The following IL1RAPL2 variants were observed in gnomAD, a reference collection of about 807,000 sequenced individuals.
IL1RAPL2 encodes X-linked interleukin-1 receptor accessory protein-like 2.
A neutral mutation model predicts 44.1 loss-of-function variants in IL1RAPL2; 3 were observed. The ratio of observed to expected loss-of-function variants is 0.07; its 90% CI spans 0.03 to 0.18. IL1RAPL2 has a LOEUF of 0.18. Ranked by LOEUF, IL1RAPL2 falls within the 10% of genes least tolerant of loss-of-function variation. The pLI is 1.00. For missense variants in IL1RAPL2, 391 were observed against 496.4 expected, an observed-to-expected ratio of 0.79 and a Z score of 2.02; for synonymous variants, 181 against 178.8, an observed-to-expected ratio of 1.01 and a Z score of -0.10.
At chrX:105,069,247 A>G (rs1339704528) in intron 2 of IL1RAPL2, among the ~76,000 whole-genome samples, 1 of 112,929 alleles carries the variant, frequency 8.9e-6, no homozygotes, top group East Asian at 2.8e-4. Context: ...ATGAATAATT[A>G]TGTGGACATT....
At chrX:105,535,677 G>A (rs1026469939) in intron 6 of IL1RAPL2, among the ~76,000 whole-genome samples, 2 of 111,863 alleles carry the variant, frequency 1.8e-5, no homozygotes, top group Non-Finnish European at 3.8e-5. Context: ...AGTGAAAGAA[G>A]CCAGTCTCAA....
intron 6 of IL1RAPL2, among the ~76,000 whole-genome samples, chrX:105,611,911 C>T (rs1217298200): frequency 2.7e-5 from 3 of 111,067 alleles, no homozygotes; most frequent in Non-Finnish European, 3.8e-5. Flanking sequence ...AGTTTAACAG[C>T]TTATGGGCAT....
At position 104,626,377 on chromosome X, in the gene IL1RAPL2, T is replaced by C. The variant is rs142343956; in HGVS notation, c.-19-32518T>C. Reference sequence around the variant, plus strand: ...TGACCCTGAGGCATAATTCGGTATTTGACTTCAAAGTGAGATGACCAGATG... The same window carrying C: ...TGACCCTGAGGCATAATTCGGTATTCGACTTCAAAGTGAGATGACCAGATG... On this transcript the variant is annotated intron_variant, in intron 1 of 10. Transcript: ENST00000372582. 2.8e-3 allele frequency among the ~76,000 whole-genome samples: 306 copies of C among 110,047 alleles called. 2 individuals carry two copies. The highest frequency in any genetic ancestry group is 5.4e-3 in the Non-Finnish European group (284 of 52,747).
chrX:105,138,139 T>A (rs1257516701), intron 2 of IL1RAPL2, among the ~76,000 whole-genome samples: 1 of 111,305 alleles, frequency 9.0e-6, no homozygotes, highest in Non-Finnish European at 1.9e-5. Context: ...AGTAAGTCCT[T>A]ATTGAATTAA....
intron 6 of IL1RAPL2, among the ~76,000 whole-genome samples, chrX:105,683,698 C>G (rs554778090): frequency 6.2e-5 from 7 of 112,065 alleles, no homozygotes; most frequent in South Asian, 3.7e-4. Context: ...TTGTAATTCT[C>G]TGAAACTATT....
At chrX:105,665,469 G>A (rs1454900617) in intron 6 of IL1RAPL2, among the ~76,000 whole-genome samples, 2 of 110,137 alleles carry the variant, frequency 1.8e-5, no homozygotes, top group Non-Finnish European at 3.8e-5. Flanking sequence ...GAGAAAACCT[G>A]TTACCTCTTT....
intron 6 of IL1RAPL2, among the ~76,000 whole-genome samples, chrX:105,522,321 G>A (rs2036565274): frequency 1.8e-5 from 2 of 112,218 alleles, no homozygotes; most frequent in East Asian, 5.6e-4. Flanking sequence ...ATTTTATTTA[G>A]TTATCAGAAT....
chrX:104,642,983 T>C (rs1569288098), intron 1 of IL1RAPL2, among the ~76,000 whole-genome samples: 1 of 112,193 alleles, frequency 8.9e-6, no homozygotes, highest in East Asian at 2.8e-4. Flanking sequence ...GACTGTATTT[T>C]CTGAGATAGG....
At chrX:105,060,585 C>CTTTTTTTTTTTTTTTTTTTTTTCTTTTTT (rs1161187469) in intron 2 of IL1RAPL2, among the ~76,000 whole-genome samples, 1 of 70,170 alleles carries the variant, frequency 1.4e-5, no homozygotes, top group Non-Finnish European at 2.7e-5. Context: ...TTTTCTTTTT[C>CTTTTTTTTTTTTTTTTTTTTTTCTTTTTT]TTTTTTTTTT....
chrX:105,522,153 T>C (rs778257470), intron 6 of IL1RAPL2, among the ~76,000 whole-genome samples: 10 of 111,939 alleles, frequency 8.9e-5, no homozygotes, highest in Non-Finnish European at 1.9e-4. Context: ...TCTGTGACTA[T>C]GGTAAGCTTA....
chrX:105,642,876 A>G (rs932324104), intron 6 of IL1RAPL2, among the ~76,000 whole-genome samples: 5 of 112,876 alleles, frequency 4.4e-5, no homozygotes, highest in African/African-American at 1.6e-4. Flanking sequence ...TCTTCTTACT[A>G]TGTAACAATT....
intron 2 of IL1RAPL2, among the ~76,000 whole-genome samples, chrX:104,908,919 G>T (rs1327218198): frequency 9.0e-6 from 1 of 110,946 alleles, no homozygotes; most frequent in Non-Finnish European, 1.9e-5. Context: ...AGTTCTCCTG[G>T]ATAATATCCT....
At chrX:105,270,729 C>T (rs1300605226) in intron 5 of IL1RAPL2, among the ~76,000 whole-genome samples, 1 of 111,087 alleles carries the variant, frequency 9.0e-6, no homozygotes, top group African/African-American at 3.3e-5. Context: ...TTTGTATGCT[C>T]AATAATATGA....
chrX:104,738,160 C>T (rs1569306029), intron 2 of IL1RAPL2, among the ~76,000 whole-genome samples: 1 of 112,380 alleles, frequency 8.9e-6, no homozygotes, highest in Non-Finnish European at 1.9e-5. Flanking sequence ...TATTCACACA[C>T]CACATTTGTT....
At chrX:104,584,159 C>T (rs1381608125) in intron 1 of IL1RAPL2, among the ~76,000 whole-genome samples, 2 of 111,493 alleles carry the variant, frequency 1.8e-5, no homozygotes. Flanking sequence ...ATAAGCACCC[C>T]AGATAATACA....
At chrX:104,787,763 T>A (rs940586585) in intron 2 of IL1RAPL2, among the ~76,000 whole-genome samples, 18 of 111,351 alleles carry the variant, frequency 1.6e-4, no homozygotes, top group Non-Finnish European at 5.7e-5. Context: ...GCTTTCAAAA[T>A]TGCAGCATGA....
At chrX:105,173,759 G>A (rs1231427068) in intron 2 of IL1RAPL2, among the ~76,000 whole-genome samples, 2 of 106,702 alleles carry the variant, frequency 1.9e-5, no homozygotes, top group African/African-American at 3.5e-5. Context: ...TTGAGACAGA[G>A]TTTCGCTTTG....
chrX:104,589,066 T>A (rs766602738), intron 1 of IL1RAPL2, among the ~76,000 whole-genome samples: 49 of 111,774 alleles, frequency 4.4e-4, no homozygotes, highest in South Asian at 7.5e-4. Context: ...GGTTGCAAAT[T>A]TTTTTGTGTG....
At chrX:104,906,216 G>A (rs1923997205) in intron 2 of IL1RAPL2, among the ~76,000 whole-genome samples, 1 of 111,273 alleles carries the variant, frequency 9.0e-6, no homozygotes, top group African/African-American at 3.3e-5. Flanking sequence ...TGAGACAATG[G>A]GGTTTTGTAG....
Sources: gnomAD v4.1 joint callset for allele counts (sites outside exome capture counted in the v4.1 genomes callset) on GRCh38, gnomAD v4.1.1 for gene constraint, MANE v1.5 for transcripts, NCBI Gene and HGNC (gene_info 2026-07-23, HGNC 2026-07-21) for gene names.